The following UNK variants were observed in gnomAD, a reference collection of about 807,000 sequenced individuals.
The protein encoded by UNK is unk zinc finger, also known as RING finger protein unkempt homolog.
UNK carries 32 observed loss-of-function variants against 97.6 expected under a neutral mutation model. The ratio of observed to expected loss-of-function variants is 0.33; its 90% CI spans 0.25 to 0.44. The LOEUF (loss-of-function observed/expected upper bound fraction) is 0.44. UNK is among the 20% of genes least tolerant of loss of function. The probability of loss-of-function intolerance (pLI) is 1.00; values close to 1 mark genes in which losing one functional copy is unlikely to be tolerated. For synonymous variants in UNK, 441 were observed against 461.2 expected (o/e 0.96, Z 0.56); for missense variants, 771 against 1,098.4 (o/e 0.70, Z 4.21).
Position 75,823,411 on chromosome 17 carries a change from G to A in UNK, c.2166G>A (p.Ala722=), listed in dbSNP as rs370223882. The change falls in exon 15 of 16, where the codon GCG becomes GCA. Residue 722 remains alanine (A), a synonymous_variant. Coordinates refer to ENST00000589666, the MANE Select transcript of UNK (RefSeq NM_001080419.3). ...KLQEELERLH[A]GPEPQALPAF... The stretch of plus-strand genomic sequence containing the variant: ...AGGAGGAGCTGGAGCGGCTACACGC[G>A]GGGCCTGAGCCCCAGGCCCTGCCCG... 3.7e-6 allele frequency: 6 copies of A among 1,602,696 alleles called. No individual in the cohort carries two copies. Among genetic ancestry groups the A allele is most frequent in the African/African-American group, 1.3e-5 (1 of 74,914 alleles).
Position 75,812,520 on chromosome 17 carries a change from A to C in UNK, c.557A>C (p.Gln186Pro), listed in dbSNP as rs1273040659. ...QTTVEGSIEG[Q>P]SAGAASHAMI... ...ACGGTAGAGGGGAGCATAGAGGGCC[A>C]GTCGGCTGGGGCTGCGAGCCATGCC... is the stretch of plus-strand genomic sequence containing the variant. Residue 186 changes from glutamine to proline, a missense_variant, in exon 4 of 16, where the codon CAG becomes CCG. Gln to Pro is a moderately conservative substitution (Grantham distance 76, BLOSUM62 -1). Transcript: ENST00000589666. 6.2e-7 allele frequency: 1 copy of C among 1,612,864 alleles called. No homozygotes were observed. Among genetic ancestry groups the C allele is most frequent in the South Asian group, 1.1e-5 (1 of 91,002 alleles).
At chr17:75,804,370 GCTTGAGTGTGGGAGA>G (rs1291439847) in intron 1 of UNK, among the ~76,000 whole-genome samples, 1 of 151,798 alleles carries the variant, frequency 6.6e-6, no homozygotes. Context: ...CAGGGGAATC[GCTTGAGTGTGGGAGA>G]CAGAGGTTGC....
At position 75,809,270 on chromosome 17, in the gene UNK, GA is replaced by G. The variant is rs533849457; in HGVS notation, c.105-486del. 5.3e-5 allele frequency among the ~76,000 whole-genome samples: 8 copies of G among 152,318 alleles called. No individual in the cohort carries two copies. The East Asian group carries it at 1.5e-3, about 29-fold the overall frequency. ...GACCTGGGCTTTCAGCTTCAGAGCT[GA>G]AAAGCCTAAGTGCTTATCTGTAGAT... is the stretch of plus-strand genomic sequence containing the variant. On this transcript the variant is annotated intron_variant, in intron 1 of 15. Coordinates refer to ENST00000589666, the MANE Select transcript of UNK (RefSeq NM_001080419.3).
chr17:75,823,553 A>G, intron 15 of UNK, 31 bp downstream of exon 15: 1 of 1,506,016 alleles, frequency 6.6e-7, no homozygotes, highest in African/African-American at 1.4e-5. Flanking sequence ...ACTGGGTGGG[A>G]TGCACGGTGG....
intron 1 of UNK, among the ~76,000 whole-genome samples, chr17:75,791,154 G>A (rs1022452243): frequency 6.6e-6 from 1 of 152,104 alleles, no homozygotes; most frequent in Admixed American, 6.5e-5. Context: ...AGGTTTGCAG[G>A]AGTTTTCTGG....
intron 1 of UNK, among the ~76,000 whole-genome samples, chr17:75,799,995 A>C (rs1294561932): frequency 2.0e-5 from 3 of 152,188 alleles, no homozygotes; most frequent in African/African-American, 7.2e-5. Flanking sequence ...CCAAGTGTAG[A>C]GCAGAGGTCA....
intron 6 of UNK, among the ~76,000 whole-genome samples, chr17:75,814,359 G>A (rs1054223834): frequency 2.0e-5 from 3 of 152,024 alleles, no homozygotes; most frequent in African/African-American, 7.2e-5. Flanking sequence ...AGATTTGGTG[G>A]TGAGCGCCTG....
At chr17:75,799,635 A>G (rs1436836344) in intron 1 of UNK, among the ~76,000 whole-genome samples, 1 of 152,200 alleles carries the variant, frequency 6.6e-6, no homozygotes, top group Non-Finnish European at 1.5e-5. Context: ...AGCTCTGTGC[A>G]GGGGTACAAA....
chr17:75,793,123 C>T (rs1010101622), intron 1 of UNK, among the ~76,000 whole-genome samples: 5 of 152,172 alleles, frequency 3.3e-5, no homozygotes, highest in South Asian at 4.1e-4. Context: ...TATACTTTAC[C>T]TTGTCTCCAA....
chr17:75,785,005 C>G (rs775449771), intron 1 of UNK, 21 bp downstream of exon 1: 34 of 1,393,720 alleles, frequency 2.4e-5, no homozygotes, highest in Admixed American at 6.6e-5. Flanking sequence ...CCCCCCCCCC[C>G]CCGCCGCGCG....
In UNK at chr17:75,816,923, A is replaced by C. The variant is rs761156653; in HGVS notation, c.1104+11A>C. The C allele has an allele frequency of 6.3e-7, 1 of 1,597,132 alleles. No individual in the cohort carries two copies. Among genetic ancestry groups the C allele is most frequent in the Non-Finnish European group, 8.5e-7 (1 of 1,176,770 alleles). ...CCTGACCTCAGTGCCGTACGTGTCC[A>C]TCCTGGGGAGTGGGTGGGCACCATG... On this transcript the variant is annotated intron_variant, in intron 8 of 15. Transcript: ENST00000589666. The surrounding 1 kb of genome is among the most constrained non-coding windows in gnomAD (Gnocchi z 4.0).
intron 1 of UNK, among the ~76,000 whole-genome samples, chr17:75,796,877 A>G (rs1198396882): frequency 6.6e-6 from 1 of 152,184 alleles, no homozygotes; most frequent in Non-Finnish European, 1.5e-5. Flanking sequence ...ATTCTCTTTG[A>G]GGGTAAAACA....
chr17:75,787,869 T>C (rs1599354112), intron 1 of UNK, among the ~76,000 whole-genome samples: 1 of 150,212 alleles, frequency 6.7e-6, no homozygotes, highest in Non-Finnish European at 1.5e-5. Flanking sequence ...GTTAACCAGG[T>C]GGACTTGAAT....
Position 75,791,528 on chromosome 17 carries a change from A to G in UNK, c.104+6544A>G, listed in dbSNP as rs150479314. 3.9e-5 allele frequency among the ~76,000 whole-genome samples: 6 copies of G among 152,368 alleles called. No homozygotes were observed. In the East Asian group the frequency reaches 1.2e-3, roughly 29 times the overall value. On this transcript the variant is annotated intron_variant, in intron 1 of 15. Transcript: ENST00000589666. ...TCAGTGAGAACGAGCTACATTACCA[A>G]TAAACATTTCTGGATCTTATTTACT... is the stretch of plus-strand genomic sequence containing the variant.
At chr17:75,823,227 C>T (rs1315564970) in intron 14 of UNK, 38 bp from the exon 15 acceptor site, 2 of 1,554,178 alleles carry the variant, frequency 1.3e-6, no homozygotes, top group South Asian at 1.2e-5. Context: ...AGGGGCAGGG[C>T]AGGGCCATTG....
rs528906621 is a variant in UNK at position 75,794,254 on chromosome 17, C to T, written c.104+9270C>T. The T allele has an allele frequency of 9.6e-6, 8 of 830,688 alleles. No individual in the cohort carries two copies. The East Asian group carries it at 4.9e-4, about 51-fold the overall frequency. The allele number at this position is 830,688 out of a possible 1,614,324, so 51.5% of individuals were successfully genotyped here. Reference sequence around the variant, plus strand: ...TATGGTATTGTAGTTATGGCCTGTCCGAAACTCTCTGACATATTCTAAACA... The same window carrying T: ...TATGGTATTGTAGTTATGGCCTGTCTGAAACTCTCTGACATATTCTAAACA... On this transcript the variant is annotated intron_variant, in intron 1 of 15. Coordinates refer to ENST00000589666, the MANE Select transcript of UNK (RefSeq NM_001080419.3).
chr17:75,797,807 A>G (rs997880020), intron 1 of UNK, among the ~76,000 whole-genome samples: 1 of 152,156 alleles, frequency 6.6e-6, no homozygotes, highest in African/African-American at 2.4e-5. Context: ...CACCGGCTCA[A>G]TCTCTTGTCC....
chr17:75,809,708 A>G (rs2061950915), intron 1 of UNK, 52 bp from the exon 2 acceptor site: 1 of 1,545,488 alleles, frequency 6.5e-7, no homozygotes. Context: ...CTGGGAAGCA[A>G]GAGACTTCAT....
rs777582078 is a variant in UNK, at chr17:75,823,459, C to G, written c.2214C>G (p.Leu738=). The stretch of plus-strand genomic sequence containing the variant: ...CCGCCTTCTCCGACCTGGAGGCGCT[C>G]TCACTCTCCACCCTCTACTCCCTCC... ...ALPAFSDLEA[L]SLSTLYSLQK... is the part of the protein sequence containing the mutation. Residue 738 remains leucine, a synonymous_variant, in exon 15 of 16, where the codon CTC becomes CTG. Transcript: ENST00000589666. 1.3e-6 allele frequency: 2 copies of G among 1,583,254 alleles called. No homozygotes were observed. The highest frequency in any genetic ancestry group is 2.3e-5 in the East Asian group (1 of 43,478).
Sources: gnomAD v4.1 joint callset for allele counts (sites outside exome capture counted in the v4.1 genomes callset) on GRCh38, gnomAD v4.1.1 for gene constraint, Gnocchi (gnomAD v3.1) non-coding constraint, MANE v1.5 for transcripts, NCBI Gene and HGNC (gene_info 2026-07-23, HGNC 2026-07-21) for gene names.